The following RAB10 variants were observed in gnomAD, a reference collection of about 807,000 sequenced individuals.
The protein encoded by RAB10 is ras-related protein Rab-10.
Under a neutral mutation model 25.7 loss-of-function variants are expected in RAB10, and 5 were observed. That is an observed-to-expected ratio of 0.19 (90% CI 0.10 to 0.41). RAB10 has a LOEUF of 0.41. RAB10 is among the 10% of genes least tolerant of loss of function. The probability of loss-of-function intolerance (pLI) is 1.00; values close to 1 mark genes in which losing one functional copy is unlikely to be tolerated. For synonymous variants in RAB10, 89 were observed against 86.4 expected (o/e 1.03, Z -0.16); for missense variants, 103 against 245.8 (o/e 0.42, Z 3.89).
intron 1 of RAB10, among the ~76,000 whole-genome samples, chr2:26,096,485 C>T (rs993482990): frequency 2.0e-5 from 3 of 152,022 alleles, no homozygotes; most frequent in African/African-American, 4.8e-5. Context: ...GTTTAGTTTG[C>T]GGCTTATGCC....
chr2:26,130,538 G>A (rs1485775692), intron 5 of RAB10, among the ~76,000 whole-genome samples: 1 of 151,746 alleles, frequency 6.6e-6, no homozygotes, highest in African/African-American at 2.4e-5. Context: ...TGAACTCCTG[G>A]GCTCAAGCCA....
chr2:26,047,666 C>A (rs1247684791), intron 1 of RAB10, among the ~76,000 whole-genome samples: 1 of 151,066 alleles, frequency 6.6e-6, no homozygotes, highest in East Asian at 2.0e-4. Context: ...ATCTGCCTTG[C>A]CTGCCTCGGC....
intron 1 of RAB10, among the ~76,000 whole-genome samples, chr2:26,062,493 C>T (rs1361663150): frequency 6.6e-6 from 1 of 151,844 alleles, no homozygotes; most frequent in East Asian, 1.9e-4. Context: ...GCATGGTCAA[C>T]CTGGTGAGAC....
At chr2:26,071,970 ATAT>A (rs565692724) in intron 1 of RAB10, among the ~76,000 whole-genome samples, 1 of 152,194 alleles carries the variant, frequency 6.6e-6, no homozygotes, top group South Asian at 2.1e-4. Flanking sequence ...CATGGTGATA[ATAT>A]TATTTTTTTC....
At chr2:26,047,402 GTTT>G (rs1416101752) in intron 1 of RAB10, among the ~76,000 whole-genome samples, 6 of 116,172 alleles carry the variant, frequency 5.2e-5, no homozygotes, top group South Asian at 2.7e-4. Context: ...TGTATCATTT[GTTT>G]TGTTTGTTTG....
intron 1 of RAB10, among the ~76,000 whole-genome samples, chr2:26,066,285 A>G (rs1277520128): frequency 1.3e-5 from 2 of 152,230 alleles, no homozygotes; most frequent in Non-Finnish European, 2.9e-5. Context: ...TTGAAAAAAA[A>G]AGATTAATTT....
chr2:26,085,172 T>G (rs994687959), intron 1 of RAB10, among the ~76,000 whole-genome samples: 2 of 152,074 alleles, frequency 1.3e-5, no homozygotes, highest in Admixed American at 1.3e-4. Context: ...AAATGAACTC[T>G]TGTGCATCAA....
At chr2:26,040,776 A>G (rs1574523192) in intron 1 of RAB10, among the ~76,000 whole-genome samples, 1 of 152,172 alleles carries the variant, frequency 6.6e-6, no homozygotes, top group East Asian at 1.9e-4. Flanking sequence ...GCAGTCATTT[A>G]AGTTTCTTAT....
chr2:26,095,395 C>A (rs1667190668), intron 1 of RAB10, among the ~76,000 whole-genome samples: 1 of 152,088 alleles, frequency 6.6e-6, no homozygotes, highest in African/African-American at 2.4e-5. Context: ...ATCACGAGAT[C>A]AGGAGATCGA....
At chr2:26,074,341 T>G (rs1221283176) in intron 1 of RAB10, among the ~76,000 whole-genome samples, 1 of 152,206 alleles carries the variant, frequency 6.6e-6, no homozygotes, top group East Asian at 1.9e-4. Flanking sequence ...TAGTTGGGAT[T>G]GGAAGCAAGT....
At chr2:26,106,985 C>T (rs1247685664) in intron 2 of RAB10, among the ~76,000 whole-genome samples, 1 of 152,042 alleles carries the variant, frequency 6.6e-6, no homozygotes, top group Non-Finnish European at 1.5e-5. Context: ...GTGGCTCACG[C>T]CTGTAACCCC....
intron 1 of RAB10, among the ~76,000 whole-genome samples, chr2:26,050,449 C>T (rs953060163): frequency 1.3e-5 from 2 of 152,122 alleles, no homozygotes; most frequent in Admixed American, 6.6e-5. Flanking sequence ...TTCATAATTA[C>T]GTACCTTGGT....
chr2:26,088,619 C>CA (rs1455737560), intron 1 of RAB10, among the ~76,000 whole-genome samples: 148 of 152,118 alleles, frequency 9.7e-4, no homozygotes, highest in African/African-American at 3.4e-3. Context: ...CTTGTCCCCC[C>CA]ACCAAGTTGG....
At chr2:26,052,105 T>C (rs547429693) in intron 1 of RAB10, among the ~76,000 whole-genome samples, 2 of 149,092 alleles carry the variant, frequency 1.3e-5, no homozygotes, top group East Asian at 2.0e-4. Flanking sequence ...CAGCAAGACG[T>C]GGTGACTTAT....
At chr2:26,120,453 A>G (rs1667779955) in intron 3 of RAB10, among the ~76,000 whole-genome samples, 1 of 152,236 alleles carries the variant, frequency 6.6e-6, no homozygotes, top group African/African-American at 2.4e-5. Context: ...TACTTTTAGC[A>G]CATGGCAGGA....
At chr2:26,098,492 A>G in intron 1 of RAB10, 170 bp from the exon 2 acceptor site, 1 of 573,110 alleles carries the variant, frequency 1.7e-6, no homozygotes, top group South Asian at 2.0e-5. Context: ...ATCTTGTATT[A>G]CTCAGGTTTA....
intron 1 of RAB10, among the ~76,000 whole-genome samples, chr2:26,093,547 C>G (rs1284676345): frequency 6.6e-6 from 1 of 152,178 alleles, no homozygotes; most frequent in African/African-American, 2.4e-5. Flanking sequence ...TGTTCACTAT[C>G]AGTTGAGGCT....
chr2:26,135,945 A>G lies in RAB10; in HGVS notation c.*924A>G, dbSNP rs1178453907. On this transcript the variant is annotated 3_prime_UTR_variant, in exon 6 of 6. Coordinates refer to ENST00000264710, the MANE Select transcript of RAB10 (RefSeq NM_016131.5). ...ATAAGTTCTAACTGCCTACTATCCA[A>G]TGTCAGTTAATTGGTGTCTTCCCCC... is the stretch of plus-strand genomic sequence containing the variant. 1 of 152,568 alleles carries G rather than the reference A, an allele frequency of 6.6e-6. No individual in the cohort carries two copies. The highest frequency in any genetic ancestry group is 1.9e-4 in the East Asian group (1 of 5,194). 9.5% of individuals were successfully genotyped at this position (152,568 alleles called of 1,614,324 possible). A position where few individuals can be genotyped will look rare whatever the true frequency, so the allele number is the denominator to read the frequency against.
At chr2:26,058,972 T>C (rs749926752) in intron 1 of RAB10, among the ~76,000 whole-genome samples, 95 of 152,378 alleles carry the variant, frequency 6.2e-4, no homozygotes, top group Non-Finnish European at 1.1e-3. Flanking sequence ...CAGGGATGTC[T>C]GCTCACCTCT....
Sources: gnomAD v4.1 joint callset for allele counts (sites outside exome capture counted in the v4.1 genomes callset) on GRCh38, gnomAD v4.1.1 for gene constraint, MANE v1.5 for transcripts, NCBI Gene and HGNC (gene_info 2026-07-23, HGNC 2026-07-21) for gene names.